The following KDELR2 variants were observed in gnomAD, a reference collection of about 807,000 sequenced individuals.
KDELR2 encodes the protein KDEL endoplasmic reticulum protein retention receptor 2.
In KDELR2, 15 loss-of-function variants were observed where a neutral mutation model predicts 23.9. The ratio of observed to expected loss-of-function variants is 0.63; its 90% CI spans 0.42 to 0.97. KDELR2 has a LOEUF of 0.97. Ranked by LOEUF, KDELR2 falls within the 50% of genes least tolerant of loss-of-function variation. The pLI is 0.00. For missense variants in KDELR2, 272 were observed against 254.6 expected, an observed-to-expected ratio of 1.07 and a Z score of -0.46; for synonymous variants, 119 against 106.2, an observed-to-expected ratio of 1.12 and a Z score of -0.74.
chr7:6,461,275 T>G lies in KDELR2; in HGVS notation c.*1866A>C, dbSNP rs1485859264. 1.3e-5 allele frequency: 2 copies of G among 152,094 alleles called. No individual in the cohort carries two copies. The highest frequency in any genetic ancestry group is 2.9e-5 in the Non-Finnish European group (2 of 68,018). The allele number at this position is 152,094 out of a possible 1,614,324, so 9.4% of individuals were successfully genotyped here. A position where few individuals can be genotyped will look rare whatever the true frequency, so the allele number is the denominator to read the frequency against. On this transcript the variant is annotated 3_prime_UTR_variant, in exon 5 of 5. Coordinates refer to ENST00000258739, the MANE Select transcript of KDELR2 (RefSeq NM_006854.4). ...AAAACGGTGGTAACATAGCCAAGGT[T>G]ACTTTTACTTGGGTAGGATGACTGC...
In KDELR2 at chr7:6,466,173, A is replaced by T. The variant is rs1785498801; in HGVS notation, c.502T>A (p.Trp168Arg). 1 of 1,614,118 alleles carries T rather than the reference A, an allele frequency of 6.2e-7. No homozygotes were observed. The highest frequency in any genetic ancestry group is 8.5e-7 in the Non-Finnish European group (1 of 1,180,036). The part of the protein sequence containing the change: ...YRALYLVNWI[W>R]RFYFEGFFDL... ...AAGAAGCCCTCAAAGTAGAAGCGCC[A>T]GATCCAGTTGACAAGATACAAAGCA... is the stretch of plus-strand genomic sequence containing the variant. The change falls in exon 4 of 5, where the codon TGG (tryptophan) becomes AGG (arginine). Residue 168 changes from tryptophan (W) to arginine (R), a missense_variant. Transcript: ENST00000258739.
Position 6,484,098 on chromosome 7 carries a change from C to A in KDELR2, c.-41G>T. 1 of 1,337,426 alleles carries A rather than the reference C, an allele frequency of 7.5e-7. No individual in the cohort carries two copies. 82.8% of individuals were successfully genotyped at this position (1,337,426 alleles called of 1,614,324 possible). ...GGCGGTCGGCGCAGCGCGGCGGCCC[C>A]GGGGCTGGGCGGCTCAGGAGGCGGC... On this transcript the variant is annotated 5_prime_UTR_variant, in exon 1 of 5. Transcript: ENST00000258739.
At chr7:6,474,607 T>C (rs1785717569) in intron 1 of KDELR2, among the ~76,000 whole-genome samples, 1 of 152,180 alleles carries the variant, frequency 6.6e-6, no homozygotes, top group African/African-American at 2.4e-5. Context: ...TAGGAACAAA[T>C]TTCTCAATAA....
At chr7:6,472,902 T>G (rs1785681798) in intron 2 of KDELR2, among the ~76,000 whole-genome samples, 2 of 148,186 alleles carry the variant, frequency 1.3e-5, no homozygotes, top group Non-Finnish European at 1.5e-5. Flanking sequence ...CTGTTCTTTT[T>G]TTTTTTTTTT....
chr7:6,464,670 T>C (rs1440231995), intron 4 of KDELR2, among the ~76,000 whole-genome samples: 1 of 150,312 alleles, frequency 6.7e-6, no homozygotes, highest in Non-Finnish European at 1.5e-5. Context: ...CTAGCCTGGG[T>C]GAGAGAGACT....
intron 2 of KDELR2, among the ~76,000 whole-genome samples, chr7:6,473,008 A>G (rs1251071316): frequency 6.6e-6 from 1 of 150,834 alleles, no homozygotes; most frequent in African/African-American, 2.4e-5. Context: ...CCAGGGCTCA[A>G]GCGATCCTAC....
chr7:6,464,743 T>C (rs1040051906), intron 4 of KDELR2, among the ~76,000 whole-genome samples: 5 of 150,042 alleles, frequency 3.3e-5, no homozygotes, highest in South Asian at 4.2e-4. Context: ...TCTTTTTTTT[T>C]TTTTTTTTTG....
intron 1 of KDELR2, among the ~76,000 whole-genome samples, chr7:6,481,297 A>T (rs1785884877): frequency 6.7e-6 from 1 of 148,774 alleles, no homozygotes; most frequent in Non-Finnish European, 1.5e-5. Context: ...CCCGGGAGGC[A>T]GAGGTTGCAG....
In KDELR2 at chr7:6,474,027, A is replaced by G. The variant is rs1194774949; in HGVS notation, c.192+157T>C. On this transcript the variant is annotated intron_variant, in intron 2 of 4. Transcript: ENST00000258739. Reference sequence around the variant, plus strand: ...TGATAGCTCGTTTAGTCCCAGTTATATATACAAGGTGGTCTGAAAGTTTTA... The same window carrying G: ...TGATAGCTCGTTTAGTCCCAGTTATGTATACAAGGTGGTCTGAAAGTTTTA... 5.7e-6 allele frequency: 3 copies of G among 522,442 alleles called. No individual in the cohort carries two copies. The Admixed American group carries it at 1.0e-4, about 18-fold the overall frequency. The allele number at this position is 522,442 out of a possible 1,614,324, so 32.4% of individuals were successfully genotyped here. A position where few individuals can be genotyped will look rare whatever the true frequency, so the allele number is the denominator to read the frequency against.
intron 1 of KDELR2, among the ~76,000 whole-genome samples, chr7:6,479,472 TTTTG>T (rs909665306): frequency 2.6e-5 from 4 of 151,412 alleles, no homozygotes; most frequent in Admixed American, 6.6e-5. Context: ...AAAACTTTTT[TTTTG>T]TTTGTTTGTT....
At chr7:6,483,882 G>C (rs866071005) in intron 1 of KDELR2, 85 bp downstream of exon 1, 2 of 1,109,210 alleles carry the variant, frequency 1.8e-6, no homozygotes, top group Non-Finnish European at 2.3e-6. Flanking sequence ...GGCCCCGCGA[G>C]CCGTGGGGTG....
At chr7:6,474,045 A>C (rs1785706037) in intron 2 of KDELR2, 139 bp downstream of exon 2, 1 of 578,444 alleles carries the variant, frequency 1.7e-6, no homozygotes, top group Non-Finnish European at 3.0e-6. Context: ...GGTGGTCTGA[A>C]AGTTTTAAAG....
rs1420045191 is a variant in KDELR2 at position 6,461,888 on chromosome 7, A to G, written c.*1253T>C. 2 of 152,180 alleles carry G rather than the reference A, an allele frequency of 1.3e-5. No individual in the cohort carries two copies. The highest frequency in any genetic ancestry group is 4.8e-5 in the African/African-American group (2 of 41,440). 9.4% of individuals were successfully genotyped at this position (152,180 alleles called of 1,614,324 possible). A position where few individuals can be genotyped will look rare whatever the true frequency, so the allele number is the denominator to read the frequency against. ...GGAAAAAAATTCTAGTATTTCCACA[A>G]AATACATAATGTCTTACAGATGATT... On this transcript the variant is annotated 3_prime_UTR_variant, in exon 5 of 5. Coordinates refer to ENST00000258739, the MANE Select transcript of KDELR2 (RefSeq NM_006854.4).
intron 1 of KDELR2, among the ~76,000 whole-genome samples, chr7:6,481,981 A>G (rs1392039891): frequency 4.5e-4 from 1 of 2,238 alleles, no homozygotes; most frequent in East Asian, 1.1e-3. Context: ...TTATTTATTT[A>G]TTTATTTATT....
intron 1 of KDELR2, among the ~76,000 whole-genome samples, chr7:6,481,668 C>T (rs1438862506): frequency 1.3e-5 from 2 of 152,100 alleles, no homozygotes; most frequent in South Asian, 2.1e-4. Flanking sequence ...TGTAGTGAGC[C>T]GTGACACAGC....
In KDELR2 at chr7:6,461,369, G is replaced by T. The variant is rs1481819852; in HGVS notation, c.*1772C>A. The T allele has an allele frequency of 6.6e-6, 1 of 152,014 alleles. No individual in the cohort carries two copies. The highest frequency in any genetic ancestry group is 1.5e-5 in the Non-Finnish European group (1 of 68,004). 9.4% of individuals were successfully genotyped at this position (152,014 alleles called of 1,614,324 possible). On this transcript the variant is annotated 3_prime_UTR_variant, in exon 5 of 5. Coordinates refer to ENST00000258739, the MANE Select transcript of KDELR2 (RefSeq NM_006854.4). ...GTGCTCTCCAGAGGATGCGCCAGGT[G>T]TATCAGATTTGCATGCACAAAGACA...
Position 6,466,163 on chromosome 7 carries a change from T to C in KDELR2, c.512A>G (p.Tyr171Cys). The change falls in exon 4 of 5, where the codon TAC (tyrosine) becomes TGC (cysteine). Residue 171 changes from tyrosine (Y) to cysteine (C), a missense_variant. By Grantham distance (194) the Tyr-to-Cys change is radical. Transcript: ENST00000258739. The stretch of plus-strand genomic sequence containing the variant: ...AATGAGGTCAAAGAAGCCCTCAAAG[T>C]AGAAGCGCCAGATCCAGTTGACAAG... ...LYLVNWIWRFYFEGFFDLIAV... is the reference protein window; with the variant it reads ...LYLVNWIWRFCFEGFFDLIAV... 6.2e-7 allele frequency: 1 copy of C among 1,614,130 alleles called. No homozygotes were observed. Among genetic ancestry groups the C allele is most frequent in the Non-Finnish European group, 8.5e-7 (1 of 1,180,022 alleles).
At chr7:6,480,577 C>T (rs945078871) in intron 1 of KDELR2, among the ~76,000 whole-genome samples, 11 of 152,156 alleles carry the variant, frequency 7.2e-5, no homozygotes, top group South Asian at 2.1e-4. Context: ...AGCTTCCACA[C>T]GAGTCAGCCT....
intron 1 of KDELR2, among the ~76,000 whole-genome samples, chr7:6,478,712 G>C (rs942269230): frequency 6.6e-6 from 1 of 152,094 alleles, no homozygotes; most frequent in Non-Finnish European, 1.5e-5. Context: ...GCCTTCCTGG[G>C]TGCTCTCCAG....
Sources: allele counts gnomAD v4.1 joint callset (sites outside exome capture counted in the v4.1 genomes callset), GRCh38; gene constraint gnomAD v4.1.1; transcripts MANE v1.5; gene names NCBI Gene and HGNC (gene_info 2026-07-23, HGNC 2026-07-21).